The following SPECC1 variants were observed in gnomAD, a reference collection of about 807,000 sequenced individuals.
The protein encoded by SPECC1 is sperm antigen with calponin homology and coiled-coil domains 1, also known as cytospin-B.
SPECC1 carries 62 observed loss-of-function variants against 104.1 expected under a neutral mutation model. The ratio of observed to expected loss-of-function variants is 0.60; its 90% CI spans 0.49 to 0.74. The LOEUF (loss-of-function observed/expected upper bound fraction) is 0.74. Among genes scored for constraint, SPECC1 ranks in the 30% least tolerant of loss-of-function variants. The pLI, the probability that SPECC1 is intolerant of heterozygous loss-of-function variation, is 0.00. For missense variants in SPECC1, 1,306 were observed against 1,310.5 expected (o/e 1.00, Z 0.05); for synonymous variants, 513 against 501.6 (o/e 1.02, Z -0.30).
At chr17:20,051,120 CTTT>C (rs1567813519) in intron 1 of SPECC1, among the ~76,000 whole-genome samples, 1,992 of 126,902 alleles carry the variant, frequency 0.016, 5 homozygotes, top group Non-Finnish European at 0.018. Context: ...TTCTTTCTTT[CTTT>C]CTTTCTTTCT....
intron 12 of SPECC1, among the ~76,000 whole-genome samples, chr17:20,267,735 G>A (rs373077515): frequency 1.3e-5 from 2 of 152,182 alleles, no homozygotes; most frequent in African/African-American, 2.4e-5. Flanking sequence ...GGTCCTGGCC[G>A]TGCCCAGAAA....
intron 3 of SPECC1, among the ~76,000 whole-genome samples, chr17:20,201,179 G>A (rs2036405637): frequency 6.6e-6 from 1 of 151,978 alleles, no homozygotes; most frequent in Non-Finnish European, 1.5e-5. Context: ...AAAAGAAAGT[G>A]GCTGGGCACG....
intron 3 of SPECC1, among the ~76,000 whole-genome samples, chr17:20,122,818 G>T (rs1437811283): frequency 6.6e-6 from 1 of 152,060 alleles, no homozygotes; most frequent in Non-Finnish European, 1.5e-5. Context: ...AATTTCCTTC[G>T]TTTTTGAGGC....
chr17:20,277,813 G>A (rs751138788), intron 12 of SPECC1, among the ~76,000 whole-genome samples: 11 of 152,156 alleles, frequency 7.2e-5, no homozygotes, highest in Non-Finnish European at 1.2e-4. Flanking sequence ...CCTTGTAGAC[G>A]TGGACTTACA....
At chr17:20,163,783 A>G (rs1304881457) in intron 3 of SPECC1, among the ~76,000 whole-genome samples, 1 of 150,480 alleles carries the variant, frequency 6.6e-6, no homozygotes, top group Non-Finnish European at 1.5e-5. Flanking sequence ...CTGGTCTTGA[A>G]CTCCTGGGCT....
At chr17:20,061,285 T>C (rs1010070194) in intron 1 of SPECC1, among the ~76,000 whole-genome samples, 1 of 152,226 alleles carries the variant, frequency 6.6e-6, no homozygotes, top group Non-Finnish European at 1.5e-5. Flanking sequence ...TTGGCCAGAC[T>C]GGCCTGGAAC....
intron 1 of SPECC1, among the ~76,000 whole-genome samples, chr17:20,034,366 G>A (rs1189749997): frequency 6.6e-6 from 1 of 151,836 alleles, no homozygotes; most frequent in East Asian, 1.9e-4. Context: ...CAAAGTGCTG[G>A]GATTACAGGT....
intron 1 of SPECC1, among the ~76,000 whole-genome samples, chr17:20,059,596 T>C (rs2046105935): frequency 6.6e-6 from 1 of 152,204 alleles, no homozygotes; most frequent in South Asian, 2.1e-4. Flanking sequence ...CCCTTTTCTT[T>C]CTGGTCCTCC....
At chr17:20,286,792 C>T (rs1032326797) in intron 12 of SPECC1, among the ~76,000 whole-genome samples, 2 of 152,242 alleles carry the variant, frequency 1.3e-5, no homozygotes, top group Admixed American at 6.5e-5. Context: ...CCTTGCCTAG[C>T]TCCTGGCTGC....
chr17:20,057,164 G>A (rs184060335), intron 1 of SPECC1, among the ~76,000 whole-genome samples: 17 of 152,290 alleles, frequency 1.1e-4, no homozygotes, highest in Admixed American at 5.2e-4. Flanking sequence ...AAGGTTGGCC[G>A]GGTGCGGTGG....
chr17:20,147,831 T>G (rs996689618), intron 3 of SPECC1, among the ~76,000 whole-genome samples: 1 of 151,382 alleles, frequency 6.6e-6, no homozygotes. Flanking sequence ...AGGCCTGGAG[T>G]TCAAGGCCAG....
chr17:20,194,000 C>T (rs1028854757), intron 3 of SPECC1, among the ~76,000 whole-genome samples: 1 of 152,112 alleles, frequency 6.6e-6, no homozygotes, highest in African/African-American at 2.4e-5. Context: ...ACAGGTGTAC[C>T]ATAGTTCTTG....
chr17:20,050,889 A>G lies in SPECC1; in HGVS notation c.-22+41465A>G, dbSNP rs866843685. On this transcript the variant is annotated intron_variant, in intron 1 of 14. Coordinates refer to ENST00000395527, the MANE Select transcript of SPECC1 (RefSeq NM_001243439.2). Reference sequence around the variant, plus strand: ...GTTACTAGTAACTCTTAGAAAACTAATGCATACATGAGCTGGTAAAGAGGA... The same window carrying G: ...GTTACTAGTAACTCTTAGAAAACTAGTGCATACATGAGCTGGTAAAGAGGA... 2.6e-5 allele frequency among the ~76,000 whole-genome samples: 4 copies of G among 152,344 alleles called. No homozygotes were observed. In the Middle Eastern group the frequency reaches 0.01, roughly 389 times the overall value.
chr17:20,175,239 C>T (rs1239372150), intron 3 of SPECC1, among the ~76,000 whole-genome samples: 2 of 152,222 alleles, frequency 1.3e-5, no homozygotes, highest in Non-Finnish European at 2.9e-5. Flanking sequence ...TCACCACCAC[C>T]TCCACTCATA....
chr17:20,096,516 T>TA (rs2047649922), intron 1 of SPECC1, 115 bp from the exon 2 acceptor site: 13 of 1,192,232 alleles, frequency 1.1e-5, no homozygotes, highest in Non-Finnish European at 1.4e-5. Context: ...AAATCATAGG[T>TA]GCTCCTACTC....
chr17:20,011,385 A>G (rs1270674231), intron 1 of SPECC1, among the ~76,000 whole-genome samples: 1 of 152,184 alleles, frequency 6.6e-6, no homozygotes, highest in East Asian at 1.9e-4. Flanking sequence ...AATCATTAAC[A>G]TTATTGAAAT....
chr17:20,120,595 A>T (rs1227190225), intron 3 of SPECC1, among the ~76,000 whole-genome samples: 2 of 152,180 alleles, frequency 1.3e-5, no homozygotes, highest in Non-Finnish European at 2.9e-5. Context: ...TTAGACTTGT[A>T]GGGGGCAGAA....
At chr17:20,253,428 G>GCA (rs756140170) in intron 9 of SPECC1, 77 bp from the exon 10 acceptor site, 673 of 1,369,804 alleles carry the variant, frequency 4.9e-4, no homozygotes, top group Non-Finnish European at 6.3e-4. Context: ...ACACACGCAT[G>GCA]CACACACACA....
At chr17:20,094,341 G>A (rs1006400835) in intron 1 of SPECC1, among the ~76,000 whole-genome samples, 3 of 152,188 alleles carry the variant, frequency 2.0e-5, no homozygotes, top group South Asian at 2.1e-4. Context: ...CTGCGTGTTC[G>A]TCAGGGGCAC....
Sources: allele counts gnomAD v4.1 joint callset (sites outside exome capture counted in the v4.1 genomes callset), GRCh38; gene constraint gnomAD v4.1.1; transcripts MANE v1.5; gene names NCBI Gene and HGNC (gene_info 2026-07-23, HGNC 2026-07-21).